Variants in FREM2 observed in about 807,000 individuals in gnomAD.
FREM2 encodes FRAS1 related extracellular matrix 2, also known as FRAS1-related extracellular matrix protein 2.
FREM2 carries 119 observed loss-of-function variants against 219.9 expected under a neutral mutation model. That is an observed-to-expected ratio of 0.54 (90% confidence interval 0.47 to 0.63). The LOEUF (loss-of-function observed/expected upper bound fraction) is 0.63. Ranked by LOEUF, FREM2 falls within the 30% of genes least tolerant of loss-of-function variation. FREM2 has a pLI of 0.00. For missense variants in FREM2, 4,030 were observed against 3,993.6 expected (o/e 1.01, Z -0.25); for synonymous variants, 1,562 against 1,522.8 (o/e 1.03, Z -0.60).
chr13:38,767,103 A>G (rs901582591), intron 3 of FREM2, among the ~76,000 whole-genome samples: 2 of 152,230 alleles, frequency 1.3e-5, no homozygotes, highest in Admixed American at 6.5e-5. Flanking sequence ...CAAAAGGCCC[A>G]TGCTCTTAAT....
chr13:38,829,004 A>G (rs1876405091), intron 6 of FREM2, among the ~76,000 whole-genome samples: 1 of 152,124 alleles, frequency 6.6e-6, no homozygotes, highest in African/African-American at 2.4e-5. Flanking sequence ...AATATATAAT[A>G]TGACAAGAAA....
At chr13:38,810,855 A>G (rs562269728) in intron 6 of FREM2, among the ~76,000 whole-genome samples, 27 of 151,880 alleles carry the variant, frequency 1.8e-4, no homozygotes, top group African/African-American at 5.1e-4. Flanking sequence ...CTCTTCCCCT[A>G]TTTTTCAGAA....
intron 6 of FREM2, among the ~76,000 whole-genome samples, chr13:38,788,017 A>G (rs947235291): frequency 6.6e-6 from 1 of 152,114 alleles, no homozygotes; most frequent in African/African-American, 2.4e-5. Flanking sequence ...AAGAAAGAAA[A>G]GGACAGTACT....
chr13:38,783,154 A>G lies in FREM2; in HGVS notation c.5726A>G (p.Asp1909Gly), dbSNP rs1217333706. The change falls in exon 5 of 24, where the codon GAT (aspartate) becomes GGT (glycine). Residue 1909 changes from aspartate to glycine, a missense_variant. By Grantham distance (94) the Asp-to-Gly change is moderately conservative (BLOSUM62 -1). Transcript: ENST00000280481. ...ELFIPIRRSG[D>G]VSQELMVVCY... Reference sequence around the variant, plus strand: ...TTCATTCCCATCAGGAGGAGCGGAGATGTGAGCCAGGAGTTGATGGTGGTC... The same window carrying G: ...TTCATTCCCATCAGGAGGAGCGGAGGTGTGAGCCAGGAGTTGATGGTGGTC... 1.9e-6 allele frequency: 3 copies of G among 1,613,884 alleles called. No homozygotes were observed. The highest frequency in any genetic ancestry group is 2.7e-5 in the African/African-American group (2 of 74,882).
Position 38,689,644 on chromosome 13 carries a change from C to G in FREM2, c.2300C>G (p.Pro767Arg). 1 of 1,614,054 alleles carries G rather than the reference C, an allele frequency of 6.2e-7. No individual in the cohort carries two copies. The highest frequency in any genetic ancestry group is 1.1e-5 in the South Asian group (1 of 91,076). The change falls in exon 1 of 24, where the codon CCC becomes CGC. Residue 767 changes from proline (P) to arginine (R), a missense_variant. Transcript: ENST00000280481. The part of the protein sequence containing the change: ...PLGTLVLTDN[P>R]SVVVTHFTQA... ...GGTACCTTGGTCTTGACTGACAACC[C>G]CTCAGTCGTGGTGACCCATTTTACC...
rs1245987298 is a variant in FREM2 at position 38,881,766 on chromosome 13, A to G, written c.*979A>G. 6.6e-6 allele frequency: 1 copy of G among 152,582 alleles called. No homozygotes were observed. The highest frequency in any genetic ancestry group is 2.4e-5 in the African/African-American group (1 of 41,470). 9.5% of individuals were successfully genotyped at this position (152,582 alleles called of 1,614,324 possible). ...ATTTATTAATATAATGTGTATAATC[A>G]GAGTGCCTCTTATACATACTTTATA... On this transcript the variant is annotated 3_prime_UTR_variant, in exon 24 of 24. Coordinates refer to ENST00000280481, the MANE Select transcript of FREM2 (RefSeq NM_207361.6).
At chr13:38,752,561 C>G (rs1872821384) in intron 2 of FREM2, among the ~76,000 whole-genome samples, 2 of 152,106 alleles carry the variant, frequency 1.3e-5, no homozygotes, top group South Asian at 4.1e-4. Context: ...TCTCTTCATA[C>G]TAGCCATGAG....
chr13:38,710,098 C>T (rs912214677), intron 2 of FREM2, among the ~76,000 whole-genome samples: 2 of 151,516 alleles, frequency 1.3e-5, no homozygotes, highest in Non-Finnish European at 2.9e-5. Context: ...GCAGGAAAAT[C>T]GCATGAACCC....
intron 2 of FREM2, among the ~76,000 whole-genome samples, chr13:38,705,769 T>G (rs1870514548): frequency 6.6e-6 from 1 of 152,226 alleles, no homozygotes; most frequent in Admixed American, 6.5e-5. Context: ...CTCTGAGGGC[T>G]TCCAGAGCTA....
At chr13:38,707,861 G>A (rs1870601088) in intron 2 of FREM2, among the ~76,000 whole-genome samples, 1 of 152,176 alleles carries the variant, frequency 6.6e-6, no homozygotes, top group Non-Finnish European at 1.5e-5. Context: ...ATTATGAAAG[G>A]TAGGCTACAT....
chr13:38,724,151 C>T (rs9548438), intron 2 of FREM2, among the ~76,000 whole-genome samples: 46,065 of 152,046 alleles, frequency 0.3, 9,204 homozygotes, highest in Non-Finnish European at 0.45. Context: ...TGTTTTCTTG[C>T]ATCTAAAACT....
chr13:38,696,648 G>A lies in FREM2; in HGVS notation c.5174-1050G>A, dbSNP rs530774320. ...TTTTTTCTTATTATGTTGTATGTGT[G>A]GCATCATTAAGGAAAGGAACTGGTA... On this transcript the variant is annotated intron_variant, in intron 1 of 23. Coordinates refer to ENST00000280481, the MANE Select transcript of FREM2 (RefSeq NM_207361.6). 3.9e-5 allele frequency among the ~76,000 whole-genome samples: 6 copies of A among 152,076 alleles called. No homozygotes were observed. In the South Asian group the frequency reaches 6.2e-4, roughly 16 times the overall value.
Position 38,880,520 on chromosome 13 carries a change from C to G in FREM2, c.9243C>G (p.Asp3081Glu). Residue 3081 changes from aspartate (D) to glutamate (E), a missense_variant, in exon 24 of 24, where the codon GAC becomes GAG. Physicochemically the swap from Asp to Glu is conservative, Grantham distance 45. Around this residue, in one of 2 missense-constraint regions of FREM2, gnomAD observed 928 missense variants for 1,042.9 expected, o/e 0.89. Coordinates refer to ENST00000280481, the MANE Select transcript of FREM2 (RefSeq NM_207361.6). Reference sequence around the variant, plus strand: ...CAAACATCCAGCACATTGCCCTGGACCGCACCAAGAGGCAGATCCCCCATG... The same window carrying G: ...CAAACATCCAGCACATTGCCCTGGAGCGCACCAAGAGGCAGATCCCCCATG... ...RGTNIQHIAL[D>E]RTKRQIPHGR... The G allele has an allele frequency of 6.2e-7, 1 of 1,614,180 alleles. No homozygotes were observed. The highest frequency in any genetic ancestry group is 1.1e-5 in the South Asian group (1 of 91,084).
intron 6 of FREM2, among the ~76,000 whole-genome samples, chr13:38,834,690 C>G (rs1325217086): frequency 2.0e-5 from 3 of 152,226 alleles, no homozygotes; most frequent in African/African-American, 4.8e-5. Context: ...TTGCTTTTCT[C>G]TAATGACCAG....
chr13:38,865,041 G>A (rs1039244489), intron 16 of FREM2, among the ~76,000 whole-genome samples: 19 of 151,994 alleles, frequency 1.3e-4, no homozygotes, highest in African/African-American at 3.9e-4. Context: ...CCTCTTTTCT[G>A]ACTTTCTTCT....
At chr13:38,714,757 G>A (rs1870921961) in intron 2 of FREM2, among the ~76,000 whole-genome samples, 2 of 152,044 alleles carry the variant, frequency 1.3e-5, no homozygotes, top group South Asian at 4.1e-4. Flanking sequence ...TATTTATGTA[G>A]TTTTTAGTTA....
At chr13:38,798,365 A>G (rs1874874616) in intron 6 of FREM2, among the ~76,000 whole-genome samples, 1 of 151,750 alleles carries the variant, frequency 6.6e-6, no homozygotes, top group South Asian at 2.1e-4. Flanking sequence ...GTGCTGTTGG[A>G]TGTGCTAGTA....
rs1183577271 is a variant in FREM2, at chr13:38,878,862, G to A, written c.8891G>A (p.Ser2964Asn). Residue 2964 changes from serine (S) to asparagine (N), a missense_variant, in exon 23 of 24, where the codon AGT (serine) becomes AAT (asparagine). Ser to Asn is a conservative substitution (Grantham distance 46, BLOSUM62 1). Around this residue, in one of 2 missense-constraint regions of FREM2, gnomAD observed 928 missense variants for 1,042.9 expected, o/e 0.89. Coordinates refer to ENST00000280481, the MANE Select transcript of FREM2 (RefSeq NM_207361.6). ...GCTCAGCCAGAGACACAAGCGACCA[G>A]TTTTGGAAATGTCCTATTTAATGCC... ...DKAQPETQAT[S>N]FGNVLFNAKL... The A allele has an allele frequency of 6.2e-7, 1 of 1,614,154 alleles. No homozygotes were observed. The highest frequency in any genetic ancestry group is 1.1e-5 in the South Asian group (1 of 91,090).
At chr13:38,861,738 C>T (rs1216269258) in intron 15 of FREM2, among the ~76,000 whole-genome samples, 176 bp downstream of exon 15, 1 of 152,186 alleles carries the variant, frequency 6.6e-6, no homozygotes, top group Non-Finnish European at 1.5e-5. Flanking sequence ...GTTTTTATAA[C>T]TATGGCAGTG....
Sources: allele counts gnomAD v4.1 joint callset (sites outside exome capture counted in the v4.1 genomes callset), GRCh38; gene constraint gnomAD v4.1.1; regional missense constraint gnomAD v4.1.1; transcripts MANE v1.5; gene names NCBI Gene and HGNC (gene_info 2026-07-23, HGNC 2026-07-21).